CTNNA3: variants seen among roughly 807,000 people sequenced by gnomAD.
CTNNA3 encodes catenin alpha 3.
Under a neutral mutation model 95.7 loss-of-function variants are expected in CTNNA3, and 76 were observed. The observed-to-expected ratio is 0.79, with a 90% CI of 0.66 to 0.96. The LOEUF is 0.96. Ranked by LOEUF, CTNNA3 falls within the 40% of genes least tolerant of loss-of-function variation. The pLI is 0.00. For missense variants in CTNNA3, 1,191 were observed against 1,089.8 expected, an observed-to-expected ratio of 1.09 and a Z score of -1.31; for synonymous variants, 431 against 374.4, an observed-to-expected ratio of 1.15 and a Z score of -1.74.
intron 11 of CTNNA3, among the ~76,000 whole-genome samples, chr10:66,515,271 A>ATCTATTTT (rs1168606478): frequency 6.6e-6 from 1 of 150,640 alleles, no homozygotes; most frequent in East Asian, 2.0e-4. Flanking sequence ...CCCTATATCT[A>ATCTATTTT]TCTATCTATC....
intron 1 of CTNNA3, among the ~76,000 whole-genome samples, chr10:67,718,346 A>G (rs1268307952): frequency 2.0e-5 from 3 of 152,158 alleles, no homozygotes. Context: ...AACACCCAAT[A>G]CTATGTTGAG....
At chr10:67,055,776 C>T (rs12356067) in intron 7 of CTNNA3, among the ~76,000 whole-genome samples, 3 of 152,078 alleles carry the variant, frequency 2.0e-5, no homozygotes, top group Non-Finnish European at 4.4e-5. Flanking sequence ...CTCAAAGGTT[C>T]TTAAAAGCCA....
intron 9 of CTNNA3, among the ~76,000 whole-genome samples, chr10:66,726,616 G>T (rs10822904): frequency 0.23 from 34,644 of 151,978 alleles, 5,365 homozygotes; most frequent in East Asian, 0.61. Context: ...GTAACCATTT[G>T]AAGGGACTAT....
intron 7 of CTNNA3, among the ~76,000 whole-genome samples, chr10:66,982,068 T>C (rs1430681681): frequency 2.0e-5 from 3 of 152,152 alleles, no homozygotes; most frequent in Non-Finnish European, 4.4e-5. Context: ...ACACATAACA[T>C]TAGATAGATG....
chr10:66,236,933 A>G (rs1008252385), intron 13 of CTNNA3, among the ~76,000 whole-genome samples: 9 of 151,386 alleles, frequency 5.9e-5, no homozygotes, highest in Non-Finnish European at 1.3e-4. Context: ...TAGGCAATGT[A>G]GTGAGGCCAT....
chr10:66,360,231 C>A (rs1052271808), intron 12 of CTNNA3, among the ~76,000 whole-genome samples: 1 of 151,900 alleles, frequency 6.6e-6, no homozygotes, highest in Non-Finnish European at 1.5e-5. Flanking sequence ...ATTTCTCATC[C>A]CTCTATCATG....
chr10:67,286,052 A>G (rs1341877215), intron 5 of CTNNA3, among the ~76,000 whole-genome samples: 1 of 152,190 alleles, frequency 6.6e-6, no homozygotes, highest in Non-Finnish European at 1.5e-5. Context: ...GGGCCAAACA[A>G]AGAGTGTATT....
chr10:66,006,608 C>G (rs1396386729), intron 15 of CTNNA3, among the ~76,000 whole-genome samples: 8 of 152,132 alleles, frequency 5.3e-5, no homozygotes. Flanking sequence ...GTGGCCTCAG[C>G]ATTAATCATG....
chr10:67,457,200 G>T (rs927632173), intron 5 of CTNNA3, among the ~76,000 whole-genome samples: 1 of 152,150 alleles, frequency 6.6e-6, no homozygotes, highest in Non-Finnish European at 1.5e-5. Context: ...GGATGAAAAG[G>T]TATGGACAGC....
intron 5 of CTNNA3, among the ~76,000 whole-genome samples, chr10:67,321,032 C>T (rs1163576588): frequency 6.6e-6 from 1 of 152,192 alleles, no homozygotes; most frequent in East Asian, 1.9e-4. Flanking sequence ...CCACACAACG[C>T]TTTTGGTTCC....
At chr10:66,988,666 T>C (rs944077463) in intron 7 of CTNNA3, among the ~76,000 whole-genome samples, 5 of 152,162 alleles carry the variant, frequency 3.3e-5, no homozygotes, top group Admixed American at 2.6e-4. Flanking sequence ...CAACAGTTCA[T>C]GTTTAAAACC....
At chr10:65,982,200 C>A (rs1460015693) in intron 16 of CTNNA3, among the ~76,000 whole-genome samples, 1 of 145,628 alleles carries the variant, frequency 6.9e-6, no homozygotes, top group Non-Finnish European at 1.5e-5. Flanking sequence ...ATAGACGATT[C>A]TCAAAAAAAA....
In CTNNA3 at chr10:66,338,376, G is replaced by A. The variant is rs897310208; in HGVS notation, c.1732+40776C>T. Among the ~76,000 whole-genome samples, 8 of 151,976 alleles carry A rather than the reference G, an allele frequency of 5.3e-5. No homozygotes were observed. The South Asian group carries it at 1.7e-3, about 32-fold the overall frequency. The stretch of plus-strand genomic sequence containing the variant: ...GCTCAAAAACTGACTTATGGTGATA[G>A]TTGCACAGCTCAGTAAATATACTAA... On this transcript the variant is annotated intron_variant, in intron 12 of 17. Coordinates refer to ENST00000433211, the MANE Select transcript of CTNNA3 (RefSeq NM_013266.4).
At chr10:67,206,561 G>A (rs1863908741) in intron 6 of CTNNA3, among the ~76,000 whole-genome samples, 1 of 151,502 alleles carries the variant, frequency 6.6e-6, no homozygotes, top group African/African-American at 2.4e-5. Context: ...GGAAGAAGAA[G>A]GGAAAGGAAG....
intron 10 of CTNNA3, among the ~76,000 whole-genome samples, chr10:66,532,817 A>T (rs558864087): frequency 3.4e-4 from 52 of 152,204 alleles, no homozygotes; most frequent in Non-Finnish European, 7.1e-4. Flanking sequence ...AGGTACAAAT[A>T]GGGTCGAAAT....
intron 7 of CTNNA3, chr10:66,928,510 T>C: frequency 6.7e-7 from 1 of 1,484,742 alleles, no homozygotes; most frequent in Non-Finnish European, 9.1e-7. Context: ...TGGTGCTTTA[T>C]TGAACTCTGG....
chr10:67,182,484 T>A (rs957309858), intron 6 of CTNNA3, among the ~76,000 whole-genome samples: 3 of 152,042 alleles, frequency 2.0e-5, no homozygotes, highest in Non-Finnish European at 4.4e-5. Context: ...GGGCTAGCCA[T>A]ATGTAGAAAG....
intron 7 of CTNNA3, among the ~76,000 whole-genome samples, chr10:67,110,713 C>T (rs1858874237): frequency 1.3e-5 from 2 of 151,928 alleles, no homozygotes; most frequent in South Asian, 4.1e-4. Context: ...CTAATGATGA[C>T]AAGAAGACAG....
chr10:67,215,390 T>C (rs1864310781), intron 6 of CTNNA3, among the ~76,000 whole-genome samples: 1 of 152,150 alleles, frequency 6.6e-6, no homozygotes, highest in South Asian at 2.1e-4. Flanking sequence ...TTACTCAAGA[T>C]GGCTTATTTG....
Sources: allele counts gnomAD v4.1 joint callset (sites outside exome capture counted in the v4.1 genomes callset), GRCh38; gene constraint gnomAD v4.1.1; transcripts MANE v1.5; gene names NCBI Gene and HGNC (gene_info 2026-07-23, HGNC 2026-07-21).